Variants in DLG2 observed in about 807,000 individuals in gnomAD.
The protein encoded by DLG2 is discs large MAGUK scaffold protein 2, also known as disks large homolog 2.
DLG2 carries 45 observed loss-of-function variants against 132.5 expected under a neutral mutation model. The observed-to-expected ratio is 0.34, with a 90% CI of 0.27 to 0.44. DLG2 has a LOEUF of 0.44. Ranked by LOEUF, DLG2 falls within the 20% of genes least tolerant of loss-of-function variation. DLG2 has a pLI of 1.00. For missense variants in DLG2, 1,045 were observed against 1,196.9 expected (o/e 0.87, Z 1.87); for synonymous variants, 424 against 419.6 (o/e 1.01, Z -0.13).
chr11:85,384,193 A>G (rs1431454631), intron 3 of DLG2, among the ~76,000 whole-genome samples: 1 of 152,154 alleles, frequency 6.6e-6, no homozygotes, highest in African/African-American at 2.4e-5. Flanking sequence ...GCCCTGCAAG[A>G]AAGGTATTAT....
At chr11:83,664,877 T>C (rs1293402801) in intron 18 of DLG2, among the ~76,000 whole-genome samples, 1 of 152,210 alleles carries the variant, frequency 6.6e-6, no homozygotes, top group Non-Finnish European at 1.5e-5. Context: ...AACTGAGTCC[T>C]GGAAGACACT....
intron 10 of DLG2, among the ~76,000 whole-genome samples, chr11:84,086,389 G>A (rs1216492805): frequency 6.6e-6 from 1 of 151,908 alleles, no homozygotes; most frequent in East Asian, 1.9e-4. Context: ...CCCTTTTAAA[G>A]TGCATAATTC....
intron 7 of DLG2, among the ~76,000 whole-genome samples, chr11:84,325,375 C>T (rs780720072): frequency 3.3e-5 from 5 of 152,050 alleles, no homozygotes; most frequent in South Asian, 2.1e-4. Flanking sequence ...CCTCACCCTC[C>T]AATAGGCCCT....
intron 7 of DLG2, among the ~76,000 whole-genome samples, chr11:84,292,394 C>T (rs972917769): frequency 1.3e-5 from 2 of 152,122 alleles, no homozygotes; most frequent in Non-Finnish European, 2.9e-5. Context: ...CTCAGCTCAC[C>T]CCTGCCTCCT....
intron 7 of DLG2, among the ~76,000 whole-genome samples, chr11:84,270,490 G>A (rs2097706538): frequency 1.3e-5 from 2 of 152,198 alleles, no homozygotes; most frequent in Non-Finnish European, 2.9e-5. Context: ...CCAGGTATCA[G>A]CCACTTTAAG....
At chr11:84,824,063 A>T (rs184034099) in intron 6 of DLG2, among the ~76,000 whole-genome samples, 2 of 151,988 alleles carry the variant, frequency 1.3e-5, no homozygotes, top group Admixed American at 6.6e-5. Flanking sequence ...TTTCAACAGC[A>T]TTCTTTCCTT....
rs1374005194 is a variant in DLG2, at chr11:83,597,702, T to C, written c.1940+35509A>G. On this transcript the variant is annotated intron_variant, in intron 19 of 27. Coordinates refer to ENST00000376104, the MANE Select transcript of DLG2 (RefSeq NM_001142699.3). ...CAGGAGGCTGAGGTGGGAGGATCAC[T>C]TGAGCCTTGGAGGCGGAGGCTGCAG... 2.6e-5 allele frequency among the ~76,000 whole-genome samples: 4 copies of C among 151,960 alleles called. No individual in the cohort carries two copies. In the East Asian group the frequency reaches 7.7e-4, roughly 29 times the overall value.
chr11:84,728,526 A>T (rs558083922), intron 6 of DLG2, among the ~76,000 whole-genome samples: 2 of 152,298 alleles, frequency 1.3e-5, no homozygotes, highest in Middle Eastern at 3.4e-3. Flanking sequence ...ATCGATGTTC[A>T]TCAGGAATAT....
At chr11:83,807,034 A>G (rs2046085058) in intron 17 of DLG2, among the ~76,000 whole-genome samples, 1 of 152,172 alleles carries the variant, frequency 6.6e-6, no homozygotes, top group African/African-American at 2.4e-5. Flanking sequence ...CCTTAACTCC[A>G]AGCATTACTG....
intron 18 of DLG2, among the ~76,000 whole-genome samples, chr11:83,638,435 A>T (rs1239234777): frequency 1.3e-5 from 2 of 152,154 alleles, no homozygotes; most frequent in Non-Finnish European, 2.9e-5. Context: ...CTACCTCAAG[A>T]TCTGTTGAGA....
chr11:85,261,380 C>A (rs1323689152), intron 4 of DLG2, among the ~76,000 whole-genome samples: 1 of 152,020 alleles, frequency 6.6e-6, no homozygotes, highest in Non-Finnish European at 1.5e-5. Context: ...CACCACATCC[C>A]CCACCCCCAC....
At chr11:85,169,988 G>A (rs548825815) in intron 4 of DLG2, among the ~76,000 whole-genome samples, 305 of 152,238 alleles carry the variant, frequency 2.0e-3, no homozygotes, top group Admixed American at 3.1e-3. Flanking sequence ...TGTCCTATGG[G>A]GGGAAAAGTT....
chr11:84,605,964 AC>A (rs2099584857), intron 6 of DLG2, among the ~76,000 whole-genome samples: 1 of 151,850 alleles, frequency 6.6e-6, no homozygotes, highest in South Asian at 2.1e-4. Context: ...GTCATAACTG[AC>A]CTCTTTTTTG....
intron 18 of DLG2, among the ~76,000 whole-genome samples, chr11:83,775,814 C>T (rs564386488): frequency 2.0e-5 from 3 of 152,050 alleles, no homozygotes; most frequent in African/African-American, 4.8e-5. Flanking sequence ...GATGAATAGC[C>T]GGGCGCAGTG....
rs558399328 is a variant in DLG2, at chr11:84,648,639, G to A, written c.358-113908C>T. ...CTGGGTGCCTTCCTTTTGGTAATTAGTGAGTTCTCATTCTTAGTTCTTGCT... is the reference window on the plus strand; with the variant it reads ...CTGGGTGCCTTCCTTTTGGTAATTAATGAGTTCTCATTCTTAGTTCTTGCT... On this transcript the variant is annotated intron_variant, in intron 6 of 27. Coordinates refer to ENST00000376104, the MANE Select transcript of DLG2 (RefSeq NM_001142699.3). Among the ~76,000 whole-genome samples the A allele has an allele frequency of 7.9e-5, 12 of 152,196 alleles. No homozygotes were observed. The East Asian group carries it at 2.3e-3, about 29-fold the overall frequency.
At chr11:83,883,282 G>T (rs896468071) in intron 15 of DLG2, among the ~76,000 whole-genome samples, 1 of 151,992 alleles carries the variant, frequency 6.6e-6, no homozygotes, top group Non-Finnish European at 1.5e-5. Context: ...TGTCTAAATT[G>T]TTCTTTAATT....
chr11:85,566,503 G>T (rs937288057), intron 3 of DLG2, among the ~76,000 whole-genome samples: 1 of 152,086 alleles, frequency 6.6e-6, no homozygotes, highest in Non-Finnish European at 1.5e-5. Context: ...AGTTCTAGAG[G>T]TTGGAAGTCT....
intron 3 of DLG2, among the ~76,000 whole-genome samples, chr11:85,352,253 A>T (rs564472843): frequency 6.6e-6 from 1 of 151,940 alleles, no homozygotes; most frequent in African/African-American, 2.4e-5. Context: ...ATTGGTGGTG[A>T]TATCCCCTTT....
At chr11:85,176,051 T>C (rs564894340) in intron 4 of DLG2, among the ~76,000 whole-genome samples, 1 of 152,318 alleles carries the variant, frequency 6.6e-6, no homozygotes, top group African/African-American at 2.4e-5. Flanking sequence ...AAGTAACTTA[T>C]AGATTCAATG....
Sources: gnomAD v4.1 joint callset for allele counts (sites outside exome capture counted in the v4.1 genomes callset) on GRCh38, gnomAD v4.1.1 for gene constraint, MANE v1.5 for transcripts, NCBI Gene and HGNC (gene_info 2026-07-23, HGNC 2026-07-21) for gene names.